CCDC171: variants seen among roughly 807,000 people sequenced by gnomAD.
CCDC171 encodes the protein coiled-coil domain-containing protein 171.
A neutral mutation model predicts 168.2 loss-of-function variants in CCDC171; 177 were observed. The observed-to-expected ratio is 1.05, with a 90% CI of 0.93 to 1.19. CCDC171 has a LOEUF of 1.19. Ranked by LOEUF, CCDC171 falls within the 50% of genes most tolerant of loss-of-function variation. The pLI, the probability that CCDC171 is intolerant of heterozygous loss-of-function variation, is 0.00. For missense variants in CCDC171, 1,991 were observed against 1,539.0 expected (o/e 1.29, Z -4.91); for synonymous variants, 687 against 540.8 (o/e 1.27, Z -3.75).
chr9:15,594,363 G>A (rs745552179), intron 6 of CCDC171, among the ~76,000 whole-genome samples, 191 bp downstream of exon 6: 3 of 152,082 alleles, frequency 2.0e-5, no homozygotes, highest in Non-Finnish European at 2.9e-5. Context: ...AGTGTTTAGA[G>A]TTCAGTGATT....
chr9:16,039,964 A>G (rs1329530317), upstream of CCDC171, among the ~76,000 whole-genome samples: 1 of 152,168 alleles, frequency 6.6e-6, no homozygotes, highest in African/African-American at 2.4e-5. Flanking sequence ...CACAGCATAC[A>G]AGCTTATTTC....
At chr9:15,773,994 C>G (rs904502839) in intron 18 of CCDC171, among the ~76,000 whole-genome samples, 3 of 151,868 alleles carry the variant, frequency 2.0e-5, no homozygotes, top group Non-Finnish European at 4.4e-5. Context: ...GCCTGTAATC[C>G]CAGCACTTTG....
chr9:15,724,132 C>A (rs2053657776), intron 13 of CCDC171, among the ~76,000 whole-genome samples: 1 of 152,154 alleles, frequency 6.6e-6, no homozygotes, highest in South Asian at 2.1e-4. Flanking sequence ...TTCAGTACAT[C>A]ATGTCTGTTA....
In CCDC171 at chr9:15,706,252, C is replaced by T. The variant is rs190722762; in HGVS notation, c.1318+10915C>T. On this transcript the variant is annotated intron_variant, in intron 11 of 25. Transcript: ENST00000380701. ...TCCTTCCTTCCTTCCTTGCTTCCTT[C>T]CTTCCTTCCTTCCTTCCTTTCTTCC... Among the ~76,000 whole-genome samples the T allele has an allele frequency of 3.5e-3, 518 of 148,438 alleles. 5 individuals are homozygous for T. Among genetic ancestry groups the T allele is most frequent in the African/African-American group, 0.012 (475 of 40,790 alleles).
intron 3 of CCDC171, among the ~76,000 whole-genome samples, chr9:15,998,716 T>C (rs887389814): frequency 1.3e-5 from 2 of 152,068 alleles, no homozygotes; most frequent in Non-Finnish European, 2.9e-5. Context: ...TCCTGGAAGG[T>C]TTATTCATGC....
intron 16 of CCDC171, among the ~76,000 whole-genome samples, chr9:15,741,474 G>A (rs1391955933): frequency 2.0e-5 from 3 of 151,902 alleles, no homozygotes; most frequent in Non-Finnish European, 4.4e-5. Flanking sequence ...TCCTTTTTAT[G>A]GCTGAATAAT....
At chr9:15,992,368 A>G (rs1474225264) in intron 3 of CCDC171, among the ~76,000 whole-genome samples, 1 of 152,150 alleles carries the variant, frequency 6.6e-6, no homozygotes, top group Non-Finnish European at 1.5e-5. Flanking sequence ...GGCCTTTGAC[A>G]AAAGGCCTTT....
At chr9:15,698,672 T>C (rs2133831523) in intron 11 of CCDC171, among the ~76,000 whole-genome samples, 2 of 152,304 alleles carry the variant, frequency 1.3e-5, no homozygotes, top group Middle Eastern at 6.8e-3. Flanking sequence ...ATTATGTGTC[T>C]GTATGTGCGT....
intron 23 of CCDC171, among the ~76,000 whole-genome samples, chr9:15,865,861 T>C (rs925811087): frequency 1.3e-5 from 2 of 151,544 alleles, no homozygotes; most frequent in Non-Finnish European, 2.9e-5. Context: ...TGTGTGTGTG[T>C]GTGTGTGTGT....
intron 25 of CCDC171, among the ~76,000 whole-genome samples, chr9:15,952,255 C>G (rs2132490555): frequency 6.6e-6 from 1 of 152,220 alleles, no homozygotes; most frequent in Middle Eastern, 3.4e-3. Flanking sequence ...GTCTTTATGC[C>G]AGTACACACT....
At chr9:15,898,341 T>C (rs116865288) in intron 24 of CCDC171, among the ~76,000 whole-genome samples, 1,529 of 152,288 alleles carry the variant, frequency 0.01, 15 homozygotes, top group Admixed American at 0.015. Flanking sequence ...TGAGTGCATA[T>C]ACCCCTCAGA....
chr9:15,650,664 G>A (rs1347543345), intron 7 of CCDC171, among the ~76,000 whole-genome samples: 1 of 151,192 alleles, frequency 6.6e-6, no homozygotes, highest in African/African-American at 2.4e-5. Context: ...CATTCTTTAG[G>A]TTATCTTTTC....
chr9:15,631,166 A>G (rs1378445585), intron 7 of CCDC171, among the ~76,000 whole-genome samples: 1 of 152,162 alleles, frequency 6.6e-6, no homozygotes, highest in Non-Finnish European at 1.5e-5. Flanking sequence ...AGAAATAACT[A>G]AAATCAGAGC....
At chr9:16,046,824 T>A (rs1051839930) in intron 1 of CCDC171, among the ~76,000 whole-genome samples, 13 of 152,320 alleles carry the variant, frequency 8.5e-5, no homozygotes, top group African/African-American at 3.1e-4. Flanking sequence ...TAAACCTTTT[T>A]CTTTACAAAT....
chr9:15,599,643 C>T (rs939919266), intron 6 of CCDC171, among the ~76,000 whole-genome samples: 11 of 152,034 alleles, frequency 7.2e-5, no homozygotes, highest in African/African-American at 1.7e-4. Context: ...TTGCTCCTTT[C>T]GAGGAGTATC....
At chr9:15,691,429 G>A (rs1355726152) in intron 10 of CCDC171, among the ~76,000 whole-genome samples, 1 of 149,106 alleles carries the variant, frequency 6.7e-6, no homozygotes, top group Non-Finnish European at 1.5e-5. Context: ...TGTGAGAATT[G>A]AATTACCTTT....
At chr9:16,080,728 CTT>C in the CCDC171 span, among the ~76,000 whole-genome samples, 2 of 152,160 alleles carry the variant, frequency 1.3e-5, no homozygotes, top group African/African-American at 2.4e-5. Flanking sequence ...CTTTATACAT[CTT>C]TGTCTCTGCG....
rs915535254 is a variant in CCDC171 at position 15,647,920 on chromosome 9, C to G, written c.823-9207C>G. On this transcript the variant is annotated intron_variant, in intron 7 of 25. Coordinates refer to ENST00000380701, the MANE Select transcript of CCDC171 (RefSeq NM_173550.4). ...TATGAGGCCAGCATCATCCTGATAC[C>G]AAAGCCTGGCAGAGACACAACAAAA... Among the ~76,000 whole-genome samples, 11 of 152,192 alleles carry G rather than the reference C, an allele frequency of 7.2e-5. No individual in the cohort carries two copies. The East Asian group carries it at 1.2e-3, about 16-fold the overall frequency.
chr9:15,709,399 C>T (rs1378379466), intron 11 of CCDC171, among the ~76,000 whole-genome samples: 3 of 151,872 alleles, frequency 2.0e-5, no homozygotes, highest in African/African-American at 7.2e-5. Context: ...AAAAAGAACA[C>T]AGATAAAATG....
Sources: gnomAD v4.1 joint callset for allele counts (sites outside exome capture counted in the v4.1 genomes callset) on GRCh38, gnomAD v4.1.1 for gene constraint, MANE v1.5 for transcripts, NCBI Gene and HGNC (gene_info 2026-07-23, HGNC 2026-07-21) for gene names.